The following ZZEF1 variants were observed in gnomAD, a reference collection of about 807,000 sequenced individuals.
The protein encoded by ZZEF1 is zinc finger ZZ-type and EF-hand domain containing 1, also known as zinc finger ZZ-type and EF-hand domain-containing protein 1.
ZZEF1 carries 157 observed loss-of-function variants against 342.8 expected under a neutral mutation model. The ratio of observed to expected loss-of-function variants is 0.46; its 90% CI spans 0.40 to 0.52. ZZEF1 has a LOEUF of 0.52. ZZEF1 is among the 20% of genes least tolerant of loss of function. The pLI is 0.00. For synonymous variants in ZZEF1, 1,505 were observed against 1,429.1 expected, an observed-to-expected ratio of 1.05 and a Z score of -1.20; for missense variants, 3,480 against 3,725.6, an observed-to-expected ratio of 0.93 and a Z score of 1.72.
At chr17:4,048,208 C>G (rs1005835898) in intron 37 of ZZEF1, among the ~76,000 whole-genome samples, 1 of 152,162 alleles carries the variant, frequency 6.6e-6, no homozygotes, top group African/African-American at 2.4e-5. Flanking sequence ...AAAGTGCCGC[C>G]TACAGAAGAC....
At chr17:4,022,610 G>A in intron 44 of ZZEF1, 99 bp downstream of exon 44, 2 of 1,562,384 alleles carry the variant, frequency 1.3e-6, no homozygotes, top group Non-Finnish European at 8.7e-7. Flanking sequence ...AAAGGAGTGT[G>A]CACAGGGCAG....
chr17:4,041,859 C>T lies in ZZEF1; in HGVS notation c.6306+570G>A, dbSNP rs371073152. Among the ~76,000 whole-genome samples the T allele has an allele frequency of 4.2e-4, 63 of 151,786 alleles. 1 individual carries two copies. In the South Asian group the frequency reaches 0.011, roughly 26 times the overall value. On this transcript the variant is annotated intron_variant, in intron 39 of 54. Transcript: ENST00000381638. Reference sequence around the variant, plus strand: ...AAGTCAGCATGACATCTAAATACAACGGAATTTTTAAGAGGATCCTGATTT... The same window carrying T: ...AAGTCAGCATGACATCTAAATACAATGGAATTTTTAAGAGGATCCTGATTT...
At chr17:4,021,951 T>C (rs912053556) in intron 44 of ZZEF1, among the ~76,000 whole-genome samples, 1 of 151,840 alleles carries the variant, frequency 6.6e-6, no homozygotes, top group South Asian at 2.1e-4. Context: ...TTTTCTTTTA[T>C]AAAGTTTTCT....
intron 52 of ZZEF1, among the ~76,000 whole-genome samples, chr17:4,011,180 T>C (rs9747530): frequency 0.029 from 4,401 of 151,930 alleles, 148 homozygotes; most frequent in African/African-American, 0.085. Flanking sequence ...GGTGGGGGGA[T>C]TGCTTGATCT....
intron 1 of ZZEF1, among the ~76,000 whole-genome samples, chr17:4,137,531 G>C (rs1172471084): frequency 6.6e-6 from 1 of 152,194 alleles, no homozygotes; most frequent in Non-Finnish European, 1.5e-5. Flanking sequence ...AGAATGGTGT[G>C]AACCTGGGAG....
intron 32 of ZZEF1, 78 bp from the exon 33 acceptor site, chr17:4,056,423 C>G (rs1171505353): frequency 7.1e-7 from 1 of 1,416,550 alleles, no homozygotes; most frequent in African/African-American, 1.4e-5. Flanking sequence ...GACCCTGTGT[C>G]TATAGGTCTA....
rs2057808535 is a variant in ZZEF1 at position 4,085,806 on chromosome 17, G to C, written c.2513-3C>G. 1 of 1,613,540 alleles carries C rather than the reference G, an allele frequency of 6.2e-7. No individual in the cohort carries two copies. Among genetic ancestry groups the C allele is most frequent in the Admixed American group, 1.7e-5 (1 of 59,954 alleles). ...GTCTCCATCCACCTTGTCCACCACT[G>C]ATAAAATGAACAATGGCATCAGCTT... is the stretch of plus-strand genomic sequence containing the variant. On this transcript the variant is annotated splice_region_variant and splice_polypyrimidine_tract_variant and intron_variant, in intron 15 of 54. Transcript: ENST00000381638.
chr17:4,131,492 A>AG (rs1242169494), intron 1 of ZZEF1, among the ~76,000 whole-genome samples: 4 of 151,542 alleles, frequency 2.6e-5, no homozygotes, highest in African/African-American at 7.3e-5. Flanking sequence ...TATAAGAAAA[A>AG]AAAAGGCCAG....
At chr17:4,121,595 C>T (rs1357085934) in intron 2 of ZZEF1, among the ~76,000 whole-genome samples, 1 of 152,048 alleles carries the variant, frequency 6.6e-6, no homozygotes, top group Non-Finnish European at 1.5e-5. Context: ...TGCACTCCAG[C>T]CTGGGTGACA....
At chr17:4,059,853 C>T (rs2057247361) in intron 30 of ZZEF1, among the ~76,000 whole-genome samples, 1 of 152,232 alleles carries the variant, frequency 6.6e-6, no homozygotes, top group Non-Finnish European at 1.5e-5. Context: ...CATGTGATGA[C>T]ATCATCTCTG....
chr17:4,037,476 G>A (rs1375150667), intron 39 of ZZEF1, among the ~76,000 whole-genome samples: 1 of 152,232 alleles, frequency 6.6e-6, no homozygotes, highest in Non-Finnish European at 1.5e-5. Flanking sequence ...TAGGTGGCCT[G>A]TGATCTTCAA....
chr17:4,029,414 ATT>A (rs2056487502), intron 42 of ZZEF1, among the ~76,000 whole-genome samples: 1 of 152,152 alleles, frequency 6.6e-6, no homozygotes. Flanking sequence ...TGGAAAATAT[ATT>A]GTGACCTAAA....
intron 19 of ZZEF1, among the ~76,000 whole-genome samples, 162 bp from the exon 20 acceptor site, chr17:4,077,151 G>A (rs2057638957): frequency 6.6e-6 from 1 of 152,146 alleles, no homozygotes; most frequent in Non-Finnish European, 1.5e-5. Flanking sequence ...TCCTCCTGGA[G>A]GAAGAAGCAG....
At chr17:4,007,290 C>T (rs1410811183) in intron 54 of ZZEF1, among the ~76,000 whole-genome samples, 1 of 152,356 alleles carries the variant, frequency 6.6e-6, no homozygotes, top group East Asian at 1.9e-4. Context: ...GGGCAAGGCA[C>T]TCACAGGAAA....
intron 34 of ZZEF1, among the ~76,000 whole-genome samples, chr17:4,052,874 C>T (rs946682325): frequency 4.9e-5 from 5 of 101,176 alleles, no homozygotes; most frequent in East Asian, 5.0e-4. Flanking sequence ...CTCGGGAGGG[C>T]GGCGGGGGAG....
At chr17:4,086,099 C>T (rs1323655256) in intron 15 of ZZEF1, among the ~76,000 whole-genome samples, 1 of 152,250 alleles carries the variant, frequency 6.6e-6, no homozygotes, top group Non-Finnish European at 1.5e-5. Context: ...CCCCCTCAAT[C>T]TATCAGCCTC....
At chr17:4,142,351 G>A (rs563690462) in intron 1 of ZZEF1, among the ~76,000 whole-genome samples, 191 bp downstream of exon 1, 54 of 152,358 alleles carry the variant, frequency 3.5e-4, no homozygotes, top group African/African-American at 1.3e-3. Context: ...TCAGAGCAAG[G>A]ACGGCCTGAT....
rs2057008511 is a variant in ZZEF1, at chr17:4,049,870, A to G, written c.5864-11T>C. 2 of 1,611,262 alleles carry G rather than the reference A, an allele frequency of 1.2e-6. No homozygotes were observed. Among genetic ancestry groups the G allele is most frequent in the African/African-American group, 1.3e-5 (1 of 74,716 alleles). ...CTAGAGCTTTAAGGCCTATGTGGGA[A>G]GCAAATCAGAGAATGGTTAGAAGTT... On this transcript the variant is annotated splice_polypyrimidine_tract_variant and intron_variant, in intron 36 of 54. Coordinates refer to ENST00000381638, the MANE Select transcript of ZZEF1 (RefSeq NM_015113.4).
At chr17:4,034,346 T>G in intron 39 of ZZEF1, 54 bp from the exon 40 acceptor site, 1 of 1,584,986 alleles carries the variant, frequency 6.3e-7, no homozygotes, top group Non-Finnish European at 8.6e-7. Flanking sequence ...TAACCAAACT[T>G]GCTAAATATT....
Sources: allele counts gnomAD v4.1 joint callset (sites outside exome capture counted in the v4.1 genomes callset), GRCh38; gene constraint gnomAD v4.1.1; transcripts MANE v1.5; gene names NCBI Gene and HGNC (gene_info 2026-07-23, HGNC 2026-07-21).